The following MMP26 variants were observed in gnomAD, a reference collection of about 807,000 sequenced individuals.
The protein encoded by MMP26 is matrix metallopeptidase 26.
A neutral mutation model predicts 31.0 loss-of-function variants in MMP26; 33 were observed. The observed-to-expected ratio is 1.06, with a 90% CI of 0.81 to 1.42. The LOEUF is 1.42. Among genes scored for constraint, MMP26 ranks in the 40% most tolerant of loss-of-function variants. The pLI is 0.00. For synonymous variants in MMP26, 122 were observed against 114.9 expected, an observed-to-expected ratio of 1.06 and a Z score of -0.40; for missense variants, 347 against 316.1, an observed-to-expected ratio of 1.10 and a Z score of -0.74.
At chr11:4,949,514 A>C (rs2133609749) in intron 2 of MMP26, among the ~76,000 whole-genome samples, 1 of 123,290 alleles carries the variant, frequency 8.1e-6, no homozygotes, top group East Asian at 2.3e-4. Context: ...ATATACTGAA[A>C]TAATAGTGAA....
intron 2 of MMP26, among the ~76,000 whole-genome samples, chr11:4,835,944 C>T (rs1849713136): frequency 6.6e-6 from 1 of 151,792 alleles, no homozygotes; most frequent in African/African-American, 2.4e-5. Context: ...ATAAGAACTG[C>T]TTTATTTATA....
intron 2 of MMP26, among the ~76,000 whole-genome samples, chr11:4,783,168 A>G (rs1416840820): frequency 1.3e-5 from 2 of 152,332 alleles, no homozygotes; most frequent in Non-Finnish European, 2.9e-5. Context: ...CTCCTGGAAA[A>G]GCTGCACTCA....
intron 2 of MMP26, among the ~76,000 whole-genome samples, chr11:4,939,368 T>C (rs1267575550): frequency 1.3e-5 from 2 of 152,172 alleles, no homozygotes; most frequent in African/African-American, 4.8e-5. Flanking sequence ...TTTTACCTCT[T>C]GGTTTGTCTT....
At chr11:4,916,520 T>C (rs755359230) in intron 2 of MMP26, among the ~76,000 whole-genome samples, 7 of 152,154 alleles carry the variant, frequency 4.6e-5, no homozygotes, top group Non-Finnish European at 8.8e-5. Context: ...ATAGTTTTAG[T>C]TTTTTTCTTT....
At chr11:4,921,028 A>C in intron 2 of MMP26, among the ~76,000 whole-genome samples, 1 of 152,220 alleles carries the variant, frequency 6.6e-6, no homozygotes, top group Non-Finnish European at 1.5e-5. Context: ...AAGTCAAACC[A>C]CTGGAGCTCA....
intron 1 of MMP26, among the ~76,000 whole-genome samples, chr11:4,749,703 T>C (rs1159954479): frequency 6.6e-6 from 1 of 152,046 alleles, no homozygotes; most frequent in Non-Finnish European, 1.5e-5. Flanking sequence ...ATTAAATAAA[T>C]GGTGCTGGGA....
At chr11:4,723,279 G>T in intron 1 of MMP26, 1 of 1,053,874 alleles carries the variant, frequency 9.5e-7, no homozygotes, top group Non-Finnish European at 1.5e-6. Flanking sequence ...TCAGTCTTGT[G>T]CGCTGCGGGT....
chr11:4,935,470 T>C (rs1199426082), intron 2 of MMP26, among the ~76,000 whole-genome samples: 1 of 150,714 alleles, frequency 6.6e-6, no homozygotes. Context: ...CTTAAGGAGA[T>C]TTTGGGCTGA....
intron 2 of MMP26, among the ~76,000 whole-genome samples, chr11:4,922,536 A>G (rs1023723): frequency 0.62 from 93,942 of 152,082 alleles, 29,349 homozygotes; most frequent in African/African-American, 0.7. Context: ...AGGAATATCA[A>G]AATACACCAA....
In MMP26 at chr11:4,916,402, GA is replaced by G. The variant is rs79703641; in HGVS notation, c.-144-71657del. 4.6e-3 allele frequency among the ~76,000 whole-genome samples: 693 copies of G among 150,654 alleles called. 8 individuals carry two copies. Among genetic ancestry groups the G allele is most frequent in the African/African-American group, 0.016 (665 of 41,158 alleles). On this transcript the variant is annotated intron_variant, in intron 2 of 7. Coordinates refer to ENST00000380390, the MANE Select transcript of MMP26 (RefSeq NM_021801.5). ...CCTCTTACAAATAGATCTTTTACTG[GA>G]AAAAAAAAGTCCTCACATGCCTTTT...
intron 1 of MMP26, among the ~76,000 whole-genome samples, chr11:4,715,422 C>T (rs1847916683): frequency 6.6e-6 from 1 of 150,740 alleles, no homozygotes; most frequent in Admixed American, 6.6e-5. Context: ...CCACCAAATG[C>T]TTCCTGAAAT....
intron 2 of MMP26, chr11:4,768,846 C>A: frequency 2.0e-6 from 1 of 498,588 alleles, no homozygotes; most frequent in Non-Finnish European, 3.5e-6. Flanking sequence ...AAATATACAA[C>A]ATATTTACTA....
chr11:4,758,940 C>T (rs1436147678), intron 1 of MMP26, among the ~76,000 whole-genome samples: 5 of 151,480 alleles, frequency 3.3e-5, no homozygotes, highest in African/African-American at 1.2e-4. Flanking sequence ...AGAGAAACCC[C>T]GTCTCTGCTA....
chr11:4,848,440 G>T, intron 2 of MMP26: 1 of 1,614,000 alleles, frequency 6.2e-7, no homozygotes. Flanking sequence ...ATATAGAAGA[G>T]GAGCACTGCA....
intron 2 of MMP26, chr11:4,848,500 A>G (rs1466711874): frequency 2.5e-6 from 4 of 1,613,598 alleles, no homozygotes; most frequent in Admixed American, 3.3e-5. Flanking sequence ...TCCTCTCTGG[A>G]CTCCACACCT....
chr11:4,710,824 C>CATGT (rs1468362802), intron 1 of MMP26: 2 of 183,116 alleles, frequency 1.1e-5, no homozygotes, highest in African/African-American at 4.7e-5. Context: ...ACCTCTAGAG[C>CATGT]ATGTAGCTAT....
rs1299818434 is a variant in MMP26 at position 4,731,693 on chromosome 11, AG to A, written c.-217+26649del. Among the ~76,000 whole-genome samples, 14 of 152,320 alleles carry A rather than the reference AG, an allele frequency of 9.2e-5. 1 individual carries two copies. Among genetic ancestry groups the A allele is most frequent in the Admixed American group, 9.1e-4 (14 of 15,304 alleles). ...GTTCTATTACTTAATCTAATGTTAAAGAGTTTTTGTGCATGTGTGCATGCAC... is the reference window on the plus strand; with the variant it reads ...GTTCTATTACTTAATCTAATGTTAAAAGTTTTTGTGCATGTGTGCATGCAC... On this transcript the variant is annotated intron_variant, in intron 1 of 7. Coordinates refer to ENST00000380390, the MANE Select transcript of MMP26 (RefSeq NM_021801.5).
intron 3 of MMP26, among the ~76,000 whole-genome samples, chr11:4,989,142 C>G (rs188332423): frequency 6.6e-6 from 1 of 152,218 alleles, no homozygotes; most frequent in Admixed American, 6.5e-5. Context: ...ATACACTAGA[C>G]TGGCAGAAAA....
chr11:4,733,302 A>G (rs1440290576), intron 1 of MMP26, among the ~76,000 whole-genome samples: 3 of 152,194 alleles, frequency 2.0e-5, no homozygotes, highest in Non-Finnish European at 4.4e-5. Context: ...ATGTTGTTCC[A>G]TTTACATTTA....
Sources: gnomAD v4.1 joint callset for allele counts (sites outside exome capture counted in the v4.1 genomes callset) on GRCh38, gnomAD v4.1.1 for gene constraint, MANE v1.5 for transcripts, NCBI Gene and HGNC (gene_info 2026-07-23, HGNC 2026-07-21) for gene names.